The following LAMA2 variants were observed in gnomAD, a reference collection of about 807,000 sequenced individuals.
LAMA2 encodes laminin subunit alpha-2.
A neutral mutation model predicts 364.8 loss-of-function variants in LAMA2; 269 were observed. The ratio of observed to expected loss-of-function variants is 0.74; its 90% CI spans 0.67 to 0.82. The LOEUF is 0.82. LAMA2 is among the 40% of genes least tolerant of loss of function. LAMA2 has a pLI of 0.00. For missense variants in LAMA2, 3,807 were observed against 3,873.2 expected (o/e 0.98, Z 0.45); for synonymous variants, 1,379 against 1,370.6 (o/e 1.01, Z -0.14).
intron 3 of LAMA2, among the ~76,000 whole-genome samples, chr6:129,088,154 T>A (rs1349942307): frequency 7.3e-6 from 1 of 137,792 alleles, no homozygotes; most frequent in Non-Finnish European, 1.6e-5. Context: ...TGTACCGCCC[T>A]TAATCCATTC....
At chr6:128,908,104 G>T (rs1468830441) in intron 1 of LAMA2, among the ~76,000 whole-genome samples, 3 of 150,544 alleles carry the variant, frequency 2.0e-5, no homozygotes, top group South Asian at 4.2e-4. Context: ...CTCTTTTTTG[G>T]TTGTGTCTCT....
At chr6:128,902,204 T>C (rs1777131641) in intron 1 of LAMA2, among the ~76,000 whole-genome samples, 1 of 152,204 alleles carries the variant, frequency 6.6e-6, no homozygotes, top group African/African-American at 2.4e-5. Context: ...ACATGGGGAT[T>C]ACAATTTGGA....
chr6:129,016,252 A>G (rs1396287338), intron 1 of LAMA2, among the ~76,000 whole-genome samples: 3 of 152,080 alleles, frequency 2.0e-5, no homozygotes, highest in African/African-American at 7.2e-5. Flanking sequence ...GTATGTGGTA[A>G]AAATCACTTT....
chr6:129,174,480 C>T (rs1466044677), intron 9 of LAMA2, among the ~76,000 whole-genome samples: 3 of 147,922 alleles, frequency 2.0e-5, no homozygotes, highest in African/African-American at 5.2e-5. Flanking sequence ...TCTTATGTTT[C>T]GTAAGTGTGT....
Position 129,403,807 on chromosome 6 carries a change from A to T in LAMA2, c.5727-14A>T, listed in dbSNP as rs747917348. On this transcript the variant is annotated splice_polypyrimidine_tract_variant and intron_variant, in intron 39 of 64. Coordinates refer to ENST00000421865, the MANE Select transcript of LAMA2 (RefSeq NM_000426.4). ...TGAGTGCCCTGACATTCCTTTTTTG[A>T]ATCATCCCACCAGAATCCTTGATGA... 6.2e-7 allele frequency: 1 copy of T among 1,611,906 alleles called. No homozygotes were observed. The highest frequency in any genetic ancestry group is 1.1e-5 in the South Asian group (1 of 91,016).
intron 40 of LAMA2, among the ~76,000 whole-genome samples, chr6:129,410,565 T>C (rs1249313437): frequency 6.6e-6 from 1 of 152,196 alleles, no homozygotes; most frequent in East Asian, 1.9e-4. Context: ...TGGGAAAAGT[T>C]TATACTGGTT....
chr6:128,938,749 G>C (rs1157352548), intron 1 of LAMA2, among the ~76,000 whole-genome samples: 1 of 152,110 alleles, frequency 6.6e-6, no homozygotes, highest in African/African-American at 2.4e-5. Context: ...TGAAGGGAAG[G>C]TCCTGGGAGT....
chr6:129,301,903 GGTTTGTTT>G (rs1252860494), intron 22 of LAMA2, among the ~76,000 whole-genome samples: 1 of 151,792 alleles, frequency 6.6e-6, no homozygotes, highest in Non-Finnish European at 1.5e-5. Context: ...TTTGAGGGGG[GGTTTGTTT>G]GTTTCTTTGT....
chr6:128,924,983 A>G (rs930511702), intron 1 of LAMA2, among the ~76,000 whole-genome samples: 2 of 152,240 alleles, frequency 1.3e-5, no homozygotes, highest in African/African-American at 2.4e-5. Flanking sequence ...TATACCCATT[A>G]GGATGGCTGC....
intron 39 of LAMA2, among the ~76,000 whole-genome samples, chr6:129,403,247 A>G (rs1780073016): frequency 1.6e-5 from 2 of 127,494 alleles, no homozygotes; most frequent in Non-Finnish European, 3.3e-5. Context: ...ACCTTGGACA[A>G]TATATGAACT....
At chr6:129,248,083 C>T (rs759121484) in intron 12 of LAMA2, among the ~76,000 whole-genome samples, 14 of 152,134 alleles carry the variant, frequency 9.2e-5, no homozygotes, top group Non-Finnish European at 1.3e-4. Flanking sequence ...TGAGCTCTAC[C>T]GCCTGTCAGA....
chr6:129,041,264 T>C (rs1001668589), intron 1 of LAMA2, among the ~76,000 whole-genome samples: 1 of 152,192 alleles, frequency 6.6e-6, no homozygotes, highest in Non-Finnish European at 1.5e-5. Context: ...TTGACTTGTG[T>C]AGTGCTTCAA....
At chr6:129,328,231 G>A in intron 28 of LAMA2, 47 bp from the exon 29 acceptor site, 1 of 1,513,418 alleles carries the variant, frequency 6.6e-7, no homozygotes, top group Non-Finnish European at 9.2e-7. Flanking sequence ...CGTTGCTAAT[G>A]CAGTATTTCT....
At chr6:129,514,295 T>C in intron 63 of LAMA2, 78 bp from the exon 64 acceptor site, 1 of 1,035,492 alleles carries the variant, frequency 9.7e-7, no homozygotes, top group Non-Finnish European at 1.5e-6. Flanking sequence ...CCTAGAGACC[T>C]GATCATTTGT....
At chr6:128,971,603 C>A (rs1782190617) in intron 1 of LAMA2, among the ~76,000 whole-genome samples, 1 of 152,082 alleles carries the variant, frequency 6.6e-6, no homozygotes, top group South Asian at 2.1e-4. Flanking sequence ...GCAGAGCCAG[C>A]AGCAGATTTT....
chr6:129,292,617 T>C (rs1445405190), intron 20 of LAMA2, among the ~76,000 whole-genome samples: 1 of 152,226 alleles, frequency 6.6e-6, no homozygotes, highest in African/African-American at 2.4e-5. Flanking sequence ...GGTGGACAGA[T>C]TTGCTCTAGC....
chr6:129,157,557 G>C, intron 8 of LAMA2: 1 of 1,612,608 alleles, frequency 6.2e-7, no homozygotes. Context: ...AACCATCTTG[G>C]CAAGCGTCTT....
At chr6:129,219,016 G>A (rs1005575617) in intron 12 of LAMA2, among the ~76,000 whole-genome samples, 4 of 152,022 alleles carry the variant, frequency 2.6e-5, no homozygotes, top group Admixed American at 2.0e-4. Context: ...CAATTTGCTG[G>A]TTTGTATAAG....
At chr6:129,356,133 C>A (rs1777141334) in intron 32 of LAMA2, among the ~76,000 whole-genome samples, 1 of 151,982 alleles carries the variant, frequency 6.6e-6, no homozygotes, top group Non-Finnish European at 1.5e-5. Context: ...TTTACTGGAT[C>A]CAAAATGGAA....
Sources: allele counts gnomAD v4.1 joint callset (sites outside exome capture counted in the v4.1 genomes callset), GRCh38; gene constraint gnomAD v4.1.1; transcripts MANE v1.5; gene names NCBI Gene and HGNC (gene_info 2026-07-23, HGNC 2026-07-21).